Variants in ZC3H12D observed in about 807,000 individuals in gnomAD.
ZC3H12D encodes the protein zinc finger CCCH-type containing 12D.
ZC3H12D carries 11 observed loss-of-function variants against 24.2 expected under a neutral mutation model. The ratio of observed to expected loss-of-function variants is 0.46; its 90% CI spans 0.29 to 0.75. ZC3H12D has a LOEUF of 0.75. Among genes scored for constraint, ZC3H12D ranks in the 30% least tolerant of loss-of-function variants. The probability of loss-of-function intolerance (pLI) is 0.11; values close to 1 mark genes in which losing one functional copy is unlikely to be tolerated. For missense variants in ZC3H12D, 740 were observed against 767.7 expected, an observed-to-expected ratio of 0.96 and a Z score of 0.43; for synonymous variants, 333 against 341.8, an observed-to-expected ratio of 0.97 and a Z score of 0.28.
Position 149,450,405 on chromosome 6 carries a change from G to T in ZC3H12D, c.*278C>A. Reference sequence around the variant, plus strand: ...TTGTGACCCACTTGTGGGTTCTACTGCAGCTTGGACCCGCAGTCTCCGTGC... The same window carrying T: ...TTGTGACCCACTTGTGGGTTCTACTTCAGCTTGGACCCGCAGTCTCCGTGC... On this transcript the variant is annotated 3_prime_UTR_variant, in exon 6 of 6. Transcript: ENST00000409806. 2.4e-6 allele frequency: 1 copy of T among 419,760 alleles called. No individual in the cohort carries two copies. The highest frequency in any genetic ancestry group is 4.2e-6 in the Non-Finnish European group (1 of 235,536). The allele number at this position is 419,760 out of a possible 1,614,324, so 26.0% of individuals were successfully genotyped here. A position where few individuals can be genotyped will look rare whatever the true frequency, so the allele number is the denominator to read the frequency against.
At position 149,474,305 on chromosome 6, in the gene ZC3H12D, T is replaced by G; in HGVS notation, c.239A>C (p.Glu80Ala). Residue 80 changes from glutamate (E) to alanine (A), a missense_variant, in exon 2 of 6, where the codon GAG becomes GCG. Glu to Ala is a moderately radical substitution (Grantham distance 107). Transcript: ENST00000409806. Reference protein sequence around the residue: ...AQRGPGTALEEDFRTLASSLR... With the variant: ...AQRGPGTALEADFRTLASSLR... ...AGAACTGGCCAGGGTTCTGAAGTCC[T>G]CTTCCAGGGCTGTCCCCGGGCCACG... 6.3e-7 allele frequency: 1 copy of G among 1,577,048 alleles called. No homozygotes were observed. Among genetic ancestry groups the G allele is most frequent in the South Asian group, 1.1e-5 (1 of 88,850 alleles).
intron 5 of ZC3H12D, among the ~76,000 whole-genome samples, chr6:149,451,925 C>T (rs1775904829): frequency 6.6e-6 from 1 of 152,228 alleles, no homozygotes; most frequent in Admixed American, 6.5e-5. Context: ...TCAGTTCCCA[C>T]CGTTCTCCGT....
chr6:149,474,620 A>G lies in ZC3H12D; in HGVS notation c.-70-7T>C. 1 of 1,315,456 alleles carries G rather than the reference A, an allele frequency of 7.6e-7. No homozygotes were observed. The highest frequency in any genetic ancestry group is 9.9e-7 in the Non-Finnish European group (1 of 1,010,208). 81.5% of individuals were successfully genotyped at this position (1,315,456 alleles called of 1,614,324 possible). A position where few individuals can be genotyped will look rare whatever the true frequency, so the allele number is the denominator to read the frequency against. ...AGAGCCCTGCAGACATGAGCTAAAG[A>G]GAAAAAAAATGCATCCATCAGGTGT... On this transcript the variant is annotated splice_region_variant and splice_polypyrimidine_tract_variant and intron_variant, in intron 1 of 5. Coordinates refer to ENST00000409806, the MANE Select transcript of ZC3H12D (RefSeq NM_207360.3).
intron 3 of ZC3H12D, among the ~76,000 whole-genome samples, chr6:149,458,260 C>G (rs553843323): frequency 6.6e-6 from 1 of 150,662 alleles, no homozygotes; most frequent in African/African-American, 2.4e-5. Flanking sequence ...CTCAGCCTTC[C>G]GTGCAGCTAG....
chr6:149,473,599 C>T (rs1485277561), intron 2 of ZC3H12D, among the ~76,000 whole-genome samples: 2 of 152,212 alleles, frequency 1.3e-5, no homozygotes, highest in African/African-American at 2.4e-5. Flanking sequence ...GATGCCAACA[C>T]ACAAATGTTC....
In ZC3H12D at chr6:149,476,325, C is replaced by T. The variant is rs1205081191; in HGVS notation, c.-70-1712G>A. On this transcript the variant is annotated intron_variant, in intron 1 of 5. Coordinates refer to ENST00000409806, the MANE Select transcript of ZC3H12D (RefSeq NM_207360.3). ...TTCGAGACCGGCCTGGCCAACATGG[C>T]GAAATCCTGTCTCTACTAAAAATAC... is the stretch of plus-strand genomic sequence containing the variant. Among the ~76,000 whole-genome samples the T allele has an allele frequency of 3.3e-5, 5 of 152,000 alleles. No individual in the cohort carries two copies. In the East Asian group the frequency reaches 7.7e-4, roughly 23 times the overall value.
At chr6:149,472,541 G>A (rs902255338) in intron 2 of ZC3H12D, among the ~76,000 whole-genome samples, 1 of 148,788 alleles carries the variant, frequency 6.7e-6, no homozygotes, top group Non-Finnish European at 1.5e-5. Flanking sequence ...GCAATCATGA[G>A]AGGTGGGGGG....
intron 3 of ZC3H12D, among the ~76,000 whole-genome samples, chr6:149,457,773 C>G (rs1327374875): frequency 6.6e-6 from 1 of 151,940 alleles, no homozygotes; most frequent in African/African-American, 2.4e-5. Context: ...CCTTTGGAGA[C>G]ATGCAGGAAA....
intron 1 of ZC3H12D, among the ~76,000 whole-genome samples, chr6:149,483,620 A>G (rs910251704): frequency 1.3e-5 from 2 of 152,130 alleles, no homozygotes; most frequent in African/African-American, 4.8e-5. Context: ...GCTCAGCATT[A>G]TATCTTCAAT....
At position 149,456,515 on chromosome 6, in the gene ZC3H12D, C is replaced by T. The variant is rs934205221; in HGVS notation, c.680+151G>A. 1 of 674,922 alleles carries T rather than the reference C, an allele frequency of 1.5e-6. No homozygotes were observed. The highest frequency in any genetic ancestry group is 2.5e-6 in the Non-Finnish European group (1 of 401,174). The allele number at this position is 674,922 out of a possible 1,614,324, so 41.8% of individuals were successfully genotyped here. A position where few individuals can be genotyped will look rare whatever the true frequency, so the allele number is the denominator to read the frequency against. ...GCCCACCTATTGGGGACGTGCCCGC[C>T]GAGAATGCGGACCTGGGGGAGCTCT... On this transcript the variant is annotated intron_variant, in intron 4 of 5. Transcript: ENST00000409806. The surrounding 1 kb of genome is among the most constrained non-coding windows in gnomAD (Gnocchi z 4.3).
chr6:149,477,236 G>A (rs1171975358), intron 1 of ZC3H12D, among the ~76,000 whole-genome samples: 1 of 152,250 alleles, frequency 6.6e-6, no homozygotes, highest in East Asian at 1.9e-4. Flanking sequence ...GCCACAGCAG[G>A]TCTAACAATG....
At chr6:149,457,171 G>A (rs1421656535) in intron 3 of ZC3H12D, among the ~76,000 whole-genome samples, 1 of 152,244 alleles carries the variant, frequency 6.6e-6, no homozygotes, top group African/African-American at 2.4e-5. Context: ...CTACAAGGGA[G>A]AGTCACTTCA....
chr6:149,468,923 CCAGAGCCTG>C lies in ZC3H12D; in HGVS notation c.305+5307_305+5315del, dbSNP rs1439994572. ...TGGAGATCCCTTACTCCAGCACAAA[CCAGAGCCTG>C]CAGAGTGTCCTGAGAGTGTAAAAAT... On this transcript the variant is annotated intron_variant, in intron 2 of 5. Coordinates refer to ENST00000409806, the MANE Select transcript of ZC3H12D (RefSeq NM_207360.3). 2.0e-5 allele frequency among the ~76,000 whole-genome samples: 3 copies of C among 152,288 alleles called. No individual in the cohort carries two copies. The East Asian group carries it at 5.8e-4, about 29-fold the overall frequency.
In ZC3H12D at chr6:149,452,609, T is replaced by C. The variant is rs1775920130; in HGVS notation, c.787+7A>G. On this transcript the variant is annotated splice_region_variant and intron_variant, in intron 5 of 5. Transcript: ENST00000409806. The surrounding 1 kb of genome is among the most constrained non-coding windows in gnomAD (Gnocchi z 4.0). ...ACAGGGCCTGCGAAGCACTGGGCCC[T>C]ACCCACCATAAGGACAATGCTGCCA... 5 of 1,560,574 alleles carry C rather than the reference T, an allele frequency of 3.2e-6. No individual in the cohort carries two copies. The East Asian group carries it at 1.1e-4, about 35-fold the overall frequency.
At chr6:149,482,244 G>A (rs767564970) in intron 1 of ZC3H12D, among the ~76,000 whole-genome samples, 1 of 152,256 alleles carries the variant, frequency 6.6e-6, no homozygotes, top group African/African-American at 2.4e-5. Flanking sequence ...AAGAAGCGGG[G>A]ACAGGAGTGG....
At chr6:149,476,856 T>C (rs1776350090) in intron 1 of ZC3H12D, among the ~76,000 whole-genome samples, 1 of 151,932 alleles carries the variant, frequency 6.6e-6, no homozygotes, top group Non-Finnish European at 1.5e-5. Context: ...AATCTTTCCA[T>C]GCTAGTTTAC....
chr6:149,457,244 G>A (rs1340895566), intron 3 of ZC3H12D, among the ~76,000 whole-genome samples: 1 of 152,290 alleles, frequency 6.6e-6, no homozygotes, highest in African/African-American at 2.4e-5. Flanking sequence ...TGCCCCTATC[G>A]CAGCAGGCAC....
rs571645496 is a variant in ZC3H12D at position 149,481,212 on chromosome 6, C to G, written c.-71+3601G>C. On this transcript the variant is annotated intron_variant, in intron 1 of 5. Coordinates refer to ENST00000409806, the MANE Select transcript of ZC3H12D (RefSeq NM_207360.3). ...AGCCCCAGCCACCTCCATCCCTCCC[C>G]ACGCAGGCACTGTGACGTTTGTTTT... 7.5e-4 allele frequency among the ~76,000 whole-genome samples: 114 copies of G among 151,850 alleles called. 2 individuals carry two copies. Among genetic ancestry groups the G allele is most frequent in the Non-Finnish European group, 8.4e-4 (57 of 67,990 alleles).
intron 2 of ZC3H12D, among the ~76,000 whole-genome samples, chr6:149,466,126 G>A (rs1412155115): frequency 6.6e-6 from 1 of 152,100 alleles, no homozygotes; most frequent in Non-Finnish European, 1.5e-5. Flanking sequence ...AGTGAGCAGA[G>A]AGCACTTTAA....
Sources: allele counts gnomAD v4.1 joint callset (sites outside exome capture counted in the v4.1 genomes callset), GRCh38; gene constraint gnomAD v4.1.1; non-coding constraint Gnocchi (gnomAD v3.1); transcripts MANE v1.5; gene names NCBI Gene and HGNC (gene_info 2026-07-23, HGNC 2026-07-21).